CNTN5: variants seen among roughly 807,000 people sequenced by gnomAD.
CNTN5 encodes contactin-5.
Under a neutral mutation model 129.1 loss-of-function variants are expected in CNTN5, and 77 were observed. The ratio of observed to expected loss-of-function variants is 0.60; its 90% CI spans 0.50 to 0.72. CNTN5 has a LOEUF of 0.72. CNTN5 is among the 30% of genes least tolerant of loss of function. The pLI, the probability that CNTN5 is intolerant of heterozygous loss-of-function variation, is 0.00. For synonymous variants in CNTN5, 509 were observed against 465.6 expected (o/e 1.09, Z -1.20); for missense variants, 1,478 against 1,328.8 (o/e 1.11, Z -1.75).
At chr11:99,623,887 T>C (rs1024416933) in intron 3 of CNTN5, among the ~76,000 whole-genome samples, 4 of 152,158 alleles carry the variant, frequency 2.6e-5, no homozygotes, top group African/African-American at 9.7e-5. Flanking sequence ...ACATACATCA[T>C]TTAAATAACT....
intron 7 of CNTN5, among the ~76,000 whole-genome samples, chr11:99,935,874 T>C (rs1001620573): frequency 2.0e-5 from 3 of 152,066 alleles, no homozygotes; most frequent in Admixed American, 6.5e-5. Context: ...GTAGAGGAGG[T>C]TGTGTGTAGA....
chr11:99,592,864 T>G (rs1950020350), intron 3 of CNTN5, among the ~76,000 whole-genome samples: 1 of 152,114 alleles, frequency 6.6e-6, no homozygotes, highest in African/African-American at 2.4e-5. Flanking sequence ...TGATGGTGGG[T>G]TGGACAAGCA....
chr11:99,170,783 A>C (rs973160794), intron 1 of CNTN5, among the ~76,000 whole-genome samples: 3 of 152,220 alleles, frequency 2.0e-5, no homozygotes, highest in Non-Finnish European at 4.4e-5. Flanking sequence ...CAGCTGCCAC[A>C]TTAGCATTTT....
intron 3 of CNTN5, among the ~76,000 whole-genome samples, chr11:99,612,908 C>T (rs758654163): frequency 1.3e-5 from 2 of 152,056 alleles, no homozygotes; most frequent in South Asian, 2.1e-4. Context: ...TAAAGAGGAG[C>T]GGGCAAGGAA....
At chr11:99,514,746 T>C (rs1946979833) in intron 2 of CNTN5, among the ~76,000 whole-genome samples, 1 of 152,218 alleles carries the variant, frequency 6.6e-6, no homozygotes, top group East Asian at 1.9e-4. Flanking sequence ...TAAAAATAAC[T>C]TTTATTGCAC....
chr11:99,841,240 T>A (rs568562852), intron 4 of CNTN5, among the ~76,000 whole-genome samples: 2 of 152,310 alleles, frequency 1.3e-5, no homozygotes, highest in African/African-American at 4.8e-5. Flanking sequence ...TCACAAAGTA[T>A]GGGCAGTAAT....
intron 1 of CNTN5, among the ~76,000 whole-genome samples, chr11:99,079,867 TC>T (rs1865720926): frequency 6.6e-6 from 1 of 152,218 alleles, no homozygotes; most frequent in Non-Finnish European, 1.5e-5. Flanking sequence ...GATTATTGTC[TC>T]CTTTCTGCCA....
chr11:99,271,033 T>C (rs1863145533), intron 1 of CNTN5, among the ~76,000 whole-genome samples: 1 of 151,368 alleles, frequency 6.6e-6, no homozygotes, highest in Non-Finnish European at 1.5e-5. Context: ...AGAGCTGTGT[T>C]TGGAACATGA....
chr11:99,796,769 C>T (rs1198178388), intron 3 of CNTN5, among the ~76,000 whole-genome samples: 4 of 152,034 alleles, frequency 2.6e-5, no homozygotes, highest in Non-Finnish European at 2.9e-5. Context: ...GATGGACATC[C>T]CTGGCTGAGC....
intron 1 of CNTN5, among the ~76,000 whole-genome samples, chr11:99,178,707 C>T (rs1209466691): frequency 6.6e-6 from 1 of 152,070 alleles, no homozygotes; most frequent in African/African-American, 2.4e-5. Flanking sequence ...TACTGTGTGA[C>T]ATTTAGCAAA....
chr11:99,585,685 A>G (rs942398653), intron 3 of CNTN5, among the ~76,000 whole-genome samples: 2 of 152,184 alleles, frequency 1.3e-5, no homozygotes, highest in Non-Finnish European at 2.9e-5. Context: ...CCTAATATCA[A>G]AAGGTTTGAG....
chr11:100,320,808 G>A (rs528516189), intron 21 of CNTN5, among the ~76,000 whole-genome samples: 1 of 152,174 alleles, frequency 6.6e-6, no homozygotes, highest in Admixed American at 6.5e-5. Context: ...ATTTATTAAA[G>A]AGACTATCCT....
At chr11:100,328,964 C>T (rs1951844729) in intron 21 of CNTN5, among the ~76,000 whole-genome samples, 1 of 152,106 alleles carries the variant, frequency 6.6e-6, no homozygotes, top group Non-Finnish European at 1.5e-5. Context: ...ACTGAAAGCT[C>T]CTTGAGATGC....
intron 3 of CNTN5, among the ~76,000 whole-genome samples, chr11:99,575,842 G>A (rs1356396631): frequency 6.6e-6 from 1 of 152,138 alleles, no homozygotes; most frequent in East Asian, 1.9e-4. Flanking sequence ...TGGGAGAAGA[G>A]CACCAGCATA....
At chr11:99,982,701 G>T (rs7117258) in intron 8 of CNTN5, among the ~76,000 whole-genome samples, 29 of 152,262 alleles carry the variant, frequency 1.9e-4, no homozygotes, top group African/African-American at 6.7e-4. Context: ...AGTGCAGTGG[G>T]GCGATCTTGG....
chr11:100,169,483 C>T (rs991951903), intron 13 of CNTN5, among the ~76,000 whole-genome samples: 1 of 151,974 alleles, frequency 6.6e-6, no homozygotes, highest in African/African-American at 2.4e-5. Context: ...AGTCAGCAGC[C>T]ATCTACGGTG....
intron 3 of CNTN5, among the ~76,000 whole-genome samples, chr11:99,706,453 T>C (rs879664375): frequency 6.6e-6 from 1 of 151,548 alleles, no homozygotes; most frequent in East Asian, 1.9e-4. Context: ...AGCTTTCTTA[T>C]TCTTTTACTT....
intron 3 of CNTN5, among the ~76,000 whole-genome samples, chr11:99,577,491 C>T (rs61104585): frequency 0.12 from 18,489 of 152,070 alleles, 2,073 homozygotes; most frequent in African/African-American, 0.3. Context: ...AGAGTTATGA[C>T]ATTTATGTTT....
chr11:100,101,374 A>G (rs997908355), intron 13 of CNTN5, among the ~76,000 whole-genome samples: 5 of 152,074 alleles, frequency 3.3e-5, no homozygotes, highest in African/African-American at 9.7e-5. Context: ...ATTAAAGTGA[A>G]TTATATTTCT....
Sources: allele counts gnomAD v4.1 joint callset (sites outside exome capture counted in the v4.1 genomes callset), GRCh38; gene constraint gnomAD v4.1.1; transcripts MANE v1.5; gene names NCBI Gene and HGNC (gene_info 2026-07-23, HGNC 2026-07-21).